Variants in BRCA1 observed in about 807,000 individuals in gnomAD.
The protein encoded by BRCA1 is breast cancer type 1 susceptibility protein.
BRCA1 carries 140 observed loss-of-function variants against 173.7 expected under a neutral mutation model. The ratio of observed to expected loss-of-function variants is 0.81; its 90% CI spans 0.70 to 0.93. BRCA1 has a LOEUF of 0.93. Ranked by LOEUF, BRCA1 falls within the 40% of genes least tolerant of loss-of-function variation. The pLI is 0.00. For synonymous variants in BRCA1, 662 were observed against 756.0 expected (o/e 0.88, Z 2.04); for missense variants, 1,983 against 2,172.5 (o/e 0.91, Z 1.73).
chr17:43,131,640 G>C (rs1269182387), intron 1 of BRCA1, among the ~76,000 whole-genome samples: 1 of 151,642 alleles, frequency 6.6e-6, no homozygotes, highest in African/African-American at 2.4e-5. Context: ...AGAATGGCGT[G>C]AACCCAGGAG....
intron 1 of BRCA1, chr17:43,124,893 G>A (rs2055798003): frequency 1.9e-5 from 6 of 314,982 alleles, no homozygotes; most frequent in South Asian, 1.6e-4. Flanking sequence ...AGTAGCTGGA[G>A]CGGCACCACG....
At chr17:43,059,458 C>G (rs990551176) in intron 18 of BRCA1, among the ~76,000 whole-genome samples, 1 of 144,742 alleles carries the variant, frequency 6.9e-6, no homozygotes, top group Non-Finnish European at 1.5e-5. Flanking sequence ...GGCAACAGAA[C>G]GAGATGCTGT....
At chr17:43,154,257 C>T (rs1239511805) in intron 1 of BRCA1, among the ~76,000 whole-genome samples, 19 of 151,600 alleles carry the variant, frequency 1.3e-4, no homozygotes, top group Non-Finnish European at 2.5e-4. Context: ...AGGCCAAGGC[C>T]GGCAGATCAC....
intron 1 of BRCA1, among the ~76,000 whole-genome samples, chr17:43,156,877 G>A (rs1227984359): frequency 6.6e-6 from 1 of 152,152 alleles, no homozygotes; most frequent in Admixed American, 6.5e-5. Context: ...TGTGAAAAGG[G>A]AAAAGGAAAA....
At chr17:43,046,542 T>A (rs1238610747) in intron 22 of BRCA1, among the ~76,000 whole-genome samples, 1 of 151,924 alleles carries the variant, frequency 6.6e-6, no homozygotes, top group South Asian at 2.1e-4. Context: ...GGACTACAAG[T>A]GCGTGCCACC....
intron 12 of BRCA1, among the ~76,000 whole-genome samples, chr17:43,081,237 C>T (rs541642139): frequency 9.8e-5 from 15 of 152,342 alleles, no homozygotes; most frequent in African/African-American, 3.6e-4. Flanking sequence ...GGACTCTGAT[C>T]TCTCATTATC....
chr17:43,146,299 C>CTTTTTTTTTTTTTTTTTT (rs774223347), intron 1 of BRCA1, among the ~76,000 whole-genome samples: 1 of 76,114 alleles, frequency 1.3e-5, no homozygotes, highest in Non-Finnish European at 2.3e-5. Flanking sequence ...ATTTTTGTTA[C>CTTTTTTTTTTTTTTTTTT]TTTTTTTTTT....
chr17:43,060,222 C>T (rs569117428), intron 18 of BRCA1, among the ~76,000 whole-genome samples: 7 of 152,108 alleles, frequency 4.6e-5, no homozygotes, highest in East Asian at 1.9e-4. Flanking sequence ...TAGAGGCACG[C>T]GCCACCACGC....
chr17:43,109,854 G>T (rs2054959196), intron 3 of BRCA1, among the ~76,000 whole-genome samples: 1 of 151,892 alleles, frequency 6.6e-6, no homozygotes, highest in Non-Finnish European at 1.5e-5. Context: ...AAATAATTCA[G>T]TGGAACTAGA....
chr17:43,127,981 A>G (rs1227902787), upstream of BRCA1, among the ~76,000 whole-genome samples: 9 of 136,852 alleles, frequency 6.6e-5, no homozygotes, highest in Admixed American at 7.2e-4. Flanking sequence ...CCCAGATTGC[A>G]CCACTGCATT....
chr17:43,057,450 GC>G (rs369160739), intron 18 of BRCA1, among the ~76,000 whole-genome samples: 18 of 151,962 alleles, frequency 1.2e-4, no homozygotes, highest in African/African-American at 4.3e-4. Context: ...GGTGGAGGTT[GC>G]AGTGAGCTGA....
intron 1 of BRCA1, chr17:43,163,059 G>A (rs1468917606): frequency 6.6e-6 from 1 of 152,238 alleles, no homozygotes; most frequent in African/African-American, 2.4e-5. Flanking sequence ...TCTAGCATTT[G>A]TAACCAATGA....
Position 43,070,952 on chromosome 17 carries a change from C to T in BRCA1, c.4962G>A (p.Val1654=), listed in dbSNP as rs549640262. 7 of 1,614,216 alleles carry T rather than the reference C, an allele frequency of 4.3e-6. No homozygotes were observed. The South Asian group carries it at 7.7e-5, about 18-fold the overall frequency. The change falls in exon 15 of 23, where the codon GTG becomes GTA. Residue 1654 remains valine (V), a synonymous_variant. Coordinates refer to ENST00000357654, the MANE Select transcript of BRCA1 (RefSeq NM_007294.4). The part of the protein sequence containing the change: ...ERVNKRMSMV[V]SGLTPEEFML... ...CAAATTCTTCTGGGGTCAGGCCAGACACCACCATGGACATTCTTTTGTTGA... is the reference window on the plus strand; with the variant it reads ...CAAATTCTTCTGGGGTCAGGCCAGATACCACCATGGACATTCTTTTGTTGA...
At chr17:43,071,307 T>A (rs1164024851) in intron 14 of BRCA1, 69 bp from the exon 15 acceptor site, 2 of 1,550,268 alleles carry the variant, frequency 1.3e-6, no homozygotes, top group Non-Finnish European at 1.8e-6. Flanking sequence ...TGGTCTCTGT[T>A]AAGAATTAAA....
intron 1 of BRCA1, among the ~76,000 whole-genome samples, chr17:43,150,543 C>T (rs148332558): frequency 6.6e-6 from 1 of 152,282 alleles, no homozygotes; most frequent in East Asian, 1.9e-4. Flanking sequence ...GTTTCCCAAA[C>T]CAGCATCTCT....
At chr17:43,049,234 TGCATACTTAACCCAG>T in intron 20 of BRCA1, 40 bp from the exon 21 acceptor site, 1 of 1,585,600 alleles carries the variant, frequency 6.3e-7, no homozygotes, top group Non-Finnish European at 8.7e-7. Flanking sequence ...TGCAGTAATC[TGCATACTTAACCCAG>T]GCCCTCTACC....
At chr17:43,103,710 T>C (rs548847425) in intron 6 of BRCA1, among the ~76,000 whole-genome samples, 5 of 152,272 alleles carry the variant, frequency 3.3e-5, no homozygotes, top group African/African-American at 1.2e-4. Context: ...TAATATACCA[T>C]CTTTCCTTCT....
chr17:43,109,455 C>G (rs2054941945), intron 3 of BRCA1, among the ~76,000 whole-genome samples: 1 of 152,170 alleles, frequency 6.6e-6, no homozygotes, highest in African/African-American at 2.4e-5. Flanking sequence ...CACCCACAAT[C>G]TTCCTACCAG....
At chr17:43,067,379 C>G (rs529147885) in intron 16 of BRCA1, 18 of 406,082 alleles carry the variant, frequency 4.4e-5, no homozygotes, top group Non-Finnish European at 6.9e-5. Flanking sequence ...CTCAGCCTCA[C>G]GAGTAGCTGG....
Sources: allele counts gnomAD v4.1 joint callset (sites outside exome capture counted in the v4.1 genomes callset), GRCh38; gene constraint gnomAD v4.1.1; transcripts MANE v1.5; gene names NCBI Gene and HGNC (gene_info 2026-07-23, HGNC 2026-07-21).